TXNDC11: variants seen among roughly 807,000 people sequenced by gnomAD.
TXNDC11 encodes the protein thioredoxin domain containing 11.
A neutral mutation model predicts 78.0 loss-of-function variants in TXNDC11; 68 were observed. The ratio of observed to expected loss-of-function variants is 0.87; its 90% CI spans 0.72 to 1.07. The LOEUF (loss-of-function observed/expected upper bound fraction) is 1.07. Among genes scored for constraint, TXNDC11 ranks in the 50% least tolerant of loss-of-function variants. TXNDC11 has a pLI of 0.00. For synonymous variants in TXNDC11, 571 were observed against 495.2 expected, an observed-to-expected ratio of 1.15 and a Z score of -2.03; for missense variants, 1,389 against 1,221.8, an observed-to-expected ratio of 1.14 and a Z score of -2.04.
intron 10 of TXNDC11, among the ~76,000 whole-genome samples, chr16:11,686,571 T>C (rs1421398841): frequency 5.9e-5 from 9 of 152,374 alleles, no homozygotes; most frequent in Middle Eastern, 3.4e-3. Context: ...CTCATTCCAT[T>C]AGATACATCT....
chr16:11,700,662 T>G, intron 5 of TXNDC11, 98 bp from the exon 6 acceptor site: 1 of 604,722 alleles, frequency 1.7e-6, no homozygotes, highest in Non-Finnish European at 3.0e-6. Context: ...CCCCTGCAGC[T>G]AAGCTCCTTC....
chr16:11,716,003 A>G (rs755072847), intron 5 of TXNDC11, among the ~76,000 whole-genome samples: 5 of 152,244 alleles, frequency 3.3e-5, no homozygotes, highest in Non-Finnish European at 5.9e-5. Flanking sequence ...ACTCACACAC[A>G]AAGTATTTCA....
intron 5 of TXNDC11, among the ~76,000 whole-genome samples, chr16:11,710,057 C>T (rs2051302481): frequency 6.6e-6 from 1 of 152,010 alleles, no homozygotes; most frequent in Non-Finnish European, 1.5e-5. Context: ...GCAGGAGAAC[C>T]GCTTGAACCC....
At chr16:11,682,777 G>A (rs2050458093) in intron 11 of TXNDC11, among the ~76,000 whole-genome samples, 1 of 152,138 alleles carries the variant, frequency 6.6e-6, no homozygotes, top group Non-Finnish European at 1.5e-5. Context: ...TCACAACTCA[G>A]TCAGCAGTAG....
intron 5 of TXNDC11, among the ~76,000 whole-genome samples, chr16:11,707,405 G>T (rs2051214076): frequency 1.3e-5 from 2 of 150,518 alleles, no homozygotes; most frequent in Non-Finnish European, 3.0e-5. Flanking sequence ...AAATAATTTG[G>T]ATACACTGGG....
intron 4 of TXNDC11, among the ~76,000 whole-genome samples, chr16:11,724,997 G>A (rs1027889483): frequency 2.6e-5 from 4 of 152,024 alleles, no homozygotes; most frequent in Non-Finnish European, 2.9e-5. Context: ...TGCCCGCCTC[G>A]GCCTCCCAAA....
chr16:11,734,966 A>G (rs149037875), intron 2 of TXNDC11, among the ~76,000 whole-genome samples: 6 of 152,296 alleles, frequency 3.9e-5, no homozygotes, highest in Admixed American at 3.3e-4. Flanking sequence ...TTGCACACGG[A>G]AGAGTCGTCC....
intron 1 of TXNDC11, among the ~76,000 whole-genome samples, chr16:11,738,956 G>A (rs1326798077): frequency 6.6e-6 from 1 of 152,150 alleles, no homozygotes; most frequent in Non-Finnish European, 1.5e-5. Context: ...GAACACGGGA[G>A]GCGGAGTTTG....
intron 5 of TXNDC11, among the ~76,000 whole-genome samples, chr16:11,705,776 G>A (rs1257757758): frequency 1.3e-5 from 2 of 152,192 alleles, no homozygotes; most frequent in Admixed American, 6.5e-5. Context: ...GCATATGGTG[G>A]AAATCTTGCT....
intron 7 of TXNDC11, among the ~76,000 whole-genome samples, chr16:11,697,797 A>G (rs1040944080): frequency 1.3e-5 from 2 of 152,110 alleles, no homozygotes; most frequent in African/African-American, 2.4e-5. Context: ...TTCACCCCCT[A>G]AACAGGAAGC....
At chr16:11,708,248 T>C (rs957376150) in intron 5 of TXNDC11, among the ~76,000 whole-genome samples, 1 of 152,234 alleles carries the variant, frequency 6.6e-6, no homozygotes, top group African/African-American at 2.4e-5. Flanking sequence ...GTCTTAATAA[T>C]TGGCACTTAT....
intron 5 of TXNDC11, among the ~76,000 whole-genome samples, chr16:11,715,447 G>C (rs997061073): frequency 1.5e-5 from 2 of 130,246 alleles, no homozygotes; most frequent in Non-Finnish European, 3.2e-5. Flanking sequence ...GCAACAAAGT[G>C]AGACCCTGTC....
At chr16:11,729,880 G>A (rs546774609) in intron 4 of TXNDC11, among the ~76,000 whole-genome samples, 2 of 152,154 alleles carry the variant, frequency 1.3e-5, no homozygotes, top group South Asian at 4.1e-4. Context: ...AAGATCACTT[G>A]AGGCCCAGAG....
Position 11,741,364 on chromosome 16 carries a change from G to T in TXNDC11, c.254+1113C>A, listed in dbSNP as rs540582244. 1.1e-3 allele frequency among the ~76,000 whole-genome samples: 170 copies of T among 152,248 alleles called. 1 individual carries two copies. The highest frequency in any genetic ancestry group is 3.9e-3 in the African/African-American group (160 of 41,550). Reference sequence around the variant, plus strand: ...ACACCTGAAATATACAGCAAATTTTGTATGTGTGTACATTCCTGAAAAGAC... The same window carrying T: ...ACACCTGAAATATACAGCAAATTTTTTATGTGTGTACATTCCTGAAAAGAC... On this transcript the variant is annotated intron_variant, in intron 1 of 11. Transcript: ENST00000283033.
rs753636531 is a variant in TXNDC11 at position 11,691,942 on chromosome 16, TGGC to T, written c.1245_1247del (p.Pro416del). ...TGCAGCAGGGGGACGCTGTGATCGTTGGCGGGTCTGGCAGCTGTGCCGGCACTT... is the reference window on the plus strand; with the variant it reads ...TGCAGCAGGGGGACGCTGTGATCGTTGGGTCTGGCAGCTGTGCCGGCACTT... On this transcript the variant is annotated inframe_deletion, in exon 8 of 12. Transcript: ENST00000283033. 17 of 1,611,756 alleles carry T rather than the reference TGGC, an allele frequency of 1.1e-5. No homozygotes were observed. The highest frequency in any genetic ancestry group is 1.4e-5 in the Non-Finnish European group (17 of 1,178,226).
chr16:11,714,628 A>G (rs2051473344), intron 5 of TXNDC11, among the ~76,000 whole-genome samples: 1 of 151,524 alleles, frequency 6.6e-6, no homozygotes, highest in Non-Finnish European at 1.5e-5. Context: ...CGACAAAGCA[A>G]GACTCCGTCT....
intron 1 of TXNDC11, among the ~76,000 whole-genome samples, chr16:11,740,194 T>A (rs1399946505): frequency 6.6e-6 from 1 of 151,820 alleles, no homozygotes; most frequent in Non-Finnish European, 1.5e-5. Flanking sequence ...ATCTCCTTAT[T>A]AAAGCAAAGA....
At chr16:11,700,367 T>G in intron 6 of TXNDC11, 85 bp downstream of exon 6, 1 of 630,518 alleles carries the variant, frequency 1.6e-6, no homozygotes, top group South Asian at 2.4e-5. Flanking sequence ...TGTCCATAGA[T>G]TTTAACCAAT....
chr16:11,705,610 G>C (rs983176906), intron 5 of TXNDC11, among the ~76,000 whole-genome samples: 4 of 152,200 alleles, frequency 2.6e-5, no homozygotes, highest in Admixed American at 6.5e-5. Context: ...AAAGTTAAAA[G>C]GGGCCATTCA....
Sources: allele counts gnomAD v4.1 joint callset (sites outside exome capture counted in the v4.1 genomes callset), GRCh38; gene constraint gnomAD v4.1.1; transcripts MANE v1.5; gene names NCBI Gene and HGNC (gene_info 2026-07-23, HGNC 2026-07-21).